SORCS3: variants seen among roughly 807,000 people sequenced by gnomAD.
SORCS3 encodes sortilin related VPS10 domain containing receptor 3.
Under a neutral mutation model 146.3 loss-of-function variants are expected in SORCS3, and 57 were observed. The observed-to-expected ratio is 0.39, with a 90% CI of 0.31 to 0.49. The LOEUF (loss-of-function observed/expected upper bound fraction) is 0.49. Among genes scored for constraint, SORCS3 ranks in the 20% least tolerant of loss-of-function variants. SORCS3 has a pLI of 0.92. For missense variants in SORCS3, 1,341 were observed against 1,575.5 expected, an observed-to-expected ratio of 0.85 and a Z score of 2.52; for synonymous variants, 653 against 618.5, an observed-to-expected ratio of 1.06 and a Z score of -0.83.
chr10:104,833,469 CAG>C, intron 1 of SORCS3, among the ~76,000 whole-genome samples: 1 of 152,252 alleles, frequency 6.6e-6, no homozygotes, highest in African/African-American at 2.4e-5. Context: ...GCCCACAGAG[CAG>C]ACACAGGGGT....
At chr10:105,243,703 A>C (rs1040316182) in intron 20 of SORCS3, among the ~76,000 whole-genome samples, 4 of 152,196 alleles carry the variant, frequency 2.6e-5, no homozygotes, top group Non-Finnish European at 5.9e-5. Flanking sequence ...TCATTTACCA[A>C]ATAGAAAAGA....
chr10:104,777,557 G>C (rs972101337), intron 1 of SORCS3, among the ~76,000 whole-genome samples: 4 of 152,174 alleles, frequency 2.6e-5, no homozygotes, highest in African/African-American at 7.2e-5. Flanking sequence ...TGCCTTGCAG[G>C]GGATATTCAG....
At chr10:104,872,566 A>T (rs201383883) in intron 2 of SORCS3, among the ~76,000 whole-genome samples, 6 of 142,938 alleles carry the variant, frequency 4.2e-5, no homozygotes, top group Admixed American at 7.0e-5. Flanking sequence ...CCTCATTTTG[A>T]TTTTTTTTTT....
rs901013192 is a variant in SORCS3, at chr10:104,913,788, T to C, written c.696-2045T>C. ...ATTCTTTTTTTTTTTTTTTTTTTTT[T>C]CCGAGACGGAGTCTCACTGTCACTC... is the stretch of plus-strand genomic sequence containing the variant. On this transcript the variant is annotated intron_variant, in intron 2 of 26. Transcript: ENST00000369701. Among the ~76,000 whole-genome samples, 7 of 137,946 alleles carry C rather than the reference T, an allele frequency of 5.1e-5. No individual in the cohort carries two copies. In the South Asian group the frequency reaches 1.2e-3, roughly 24 times the overall value. 90.5% of individuals were successfully genotyped at this position (137,946 alleles called of 152,430 possible).
intron 1 of SORCS3, among the ~76,000 whole-genome samples, chr10:104,768,967 C>T (rs1267528982): frequency 6.6e-6 from 1 of 152,194 alleles, no homozygotes; most frequent in African/African-American, 2.4e-5. Context: ...TAGAGAGTAG[C>T]TCCACTTTCC....
At chr10:105,211,609 T>C (rs944238976) in intron 17 of SORCS3, among the ~76,000 whole-genome samples, 1 of 152,208 alleles carries the variant, frequency 6.6e-6, no homozygotes, top group African/African-American at 2.4e-5. Context: ...TAGTGAAAGA[T>C]GAACTGAAAC....
At chr10:104,680,434 C>A (rs1414879343) in intron 1 of SORCS3, among the ~76,000 whole-genome samples, 1 of 152,142 alleles carries the variant, frequency 6.6e-6, no homozygotes, top group Non-Finnish European at 1.5e-5. Context: ...TAGGCGTGTG[C>A]CAGAAGCAGG....
chr10:105,093,219 A>G (rs978749450), intron 6 of SORCS3, among the ~76,000 whole-genome samples: 1 of 152,172 alleles, frequency 6.6e-6, no homozygotes, highest in Non-Finnish European at 1.5e-5. Flanking sequence ...ATTAACTTCA[A>G]CCTATGATTC....
chr10:104,842,754 T>G (rs1589520533), intron 1 of SORCS3, 38 bp from the exon 2 acceptor site: 1 of 1,544,348 alleles, frequency 6.5e-7, no homozygotes, highest in African/African-American at 1.4e-5. Context: ...TCCCTCCCTT[T>G]GTTCCTCTCC....
intron 1 of SORCS3, among the ~76,000 whole-genome samples, chr10:104,709,034 C>T (rs578182726): frequency 2.6e-4 from 39 of 152,328 alleles, no homozygotes; most frequent in African/African-American, 9.4e-4. Context: ...CCCATCTCCT[C>T]GCTTTTGCTT....
chr10:104,946,046 C>G (rs2019367465), intron 3 of SORCS3, among the ~76,000 whole-genome samples: 1 of 151,978 alleles, frequency 6.6e-6, no homozygotes, highest in Non-Finnish European at 1.5e-5. Context: ...GTTTCCATAT[C>G]TGTAAAATGG....
intron 9 of SORCS3, among the ~76,000 whole-genome samples, chr10:105,149,396 C>T (rs2056153250): frequency 6.6e-6 from 1 of 152,216 alleles, no homozygotes; most frequent in Non-Finnish European, 1.5e-5. Flanking sequence ...CCTTAAACAA[C>T]AAGGTCCCAG....
intron 1 of SORCS3, among the ~76,000 whole-genome samples, chr10:104,673,594 C>T (rs1256176877): frequency 1.3e-5 from 2 of 151,872 alleles, no homozygotes; most frequent in Admixed American, 6.6e-5. Context: ...CTCCTAGGTG[C>T]ATGCCACCAT....
intron 4 of SORCS3, among the ~76,000 whole-genome samples, chr10:105,021,098 A>G (rs2055194981): frequency 6.6e-6 from 1 of 152,200 alleles, no homozygotes; most frequent in Non-Finnish European, 1.5e-5. Context: ...AGCCATCAGC[A>G]TGTATGTACA....
intron 16 of SORCS3, among the ~76,000 whole-genome samples, chr10:105,208,615 G>A (rs904726867): frequency 6.7e-6 from 1 of 149,140 alleles, no homozygotes; most frequent in Non-Finnish European, 1.5e-5. Context: ...ATGGACAATA[G>A]AATGATAGAA....
chr10:104,773,931 A>G (rs2017279895), intron 1 of SORCS3, among the ~76,000 whole-genome samples: 1 of 152,208 alleles, frequency 6.6e-6, no homozygotes, highest in East Asian at 1.9e-4. Context: ...TTGGAAAGGT[A>G]GACTCTCCCA....
At chr10:105,105,309 C>T (rs2055813121) in intron 6 of SORCS3, 88 bp from the exon 7 acceptor site, 1 of 726,216 alleles carries the variant, frequency 1.4e-6, no homozygotes, top group Non-Finnish European at 2.4e-6. Context: ...CTTGTTGATT[C>T]CCCCATGAAG....
chr10:104,848,387 C>A (rs895320552), intron 2 of SORCS3, among the ~76,000 whole-genome samples: 1 of 152,014 alleles, frequency 6.6e-6, no homozygotes. Flanking sequence ...GCCAAGAAAA[C>A]CCTGATAATA....
chr10:104,746,133 G>A (rs1438031946), intron 1 of SORCS3, among the ~76,000 whole-genome samples: 1 of 148,070 alleles, frequency 6.8e-6, no homozygotes, highest in Non-Finnish European at 1.5e-5. Flanking sequence ...TTTGATAACT[G>A]TTTTCTTTTT....
Sources: allele counts gnomAD v4.1 joint callset (sites outside exome capture counted in the v4.1 genomes callset), GRCh38; gene constraint gnomAD v4.1.1; transcripts MANE v1.5; gene names NCBI Gene and HGNC (gene_info 2026-07-23, HGNC 2026-07-21).